Variants in SLC6A13 observed in about 807,000 individuals in gnomAD.
The protein encoded by SLC6A13 is solute carrier family 6 member 13, also known as sodium- and chloride-dependent GABA transporter 2.
Under a neutral mutation model 72.9 loss-of-function variants are expected in SLC6A13, and 69 were observed. That is an observed-to-expected ratio of 0.95 (90% CI 0.78 to 1.16). The LOEUF is 1.16. Ranked by LOEUF, SLC6A13 falls within the 50% of genes most tolerant of loss-of-function variation. SLC6A13 has a pLI of 0.00. For synonymous variants in SLC6A13, 303 were observed against 303.0 expected, an observed-to-expected ratio of 1.00 and a Z score of 0.00; for missense variants, 735 against 760.5, an observed-to-expected ratio of 0.97 and a Z score of 0.39.
intron 2 of SLC6A13, among the ~76,000 whole-genome samples, chr12:251,148 T>A (rs1285340626): frequency 6.9e-6 from 1 of 145,610 alleles, no homozygotes; most frequent in Non-Finnish European, 1.5e-5. Context: ...AGAGCAAGAC[T>A]CTGTCTCAAA....
At chr12:224,323 C>A in intron 10 of SLC6A13, 78 bp downstream of exon 10, 1 of 1,373,578 alleles carries the variant, frequency 7.3e-7, no homozygotes, top group Non-Finnish European at 1.0e-6. Flanking sequence ...CCACTTCTGA[C>A]ATTCACCCAT....
rs80140420 is a variant in SLC6A13 at position 251,165 on chromosome 12, C to A, written c.203-7352G>T. 3.5e-3 allele frequency among the ~76,000 whole-genome samples: 439 copies of A among 124,296 alleles called. 7 individuals are homozygous for A. The East Asian group carries it at 0.07, about 20-fold the overall frequency. 81.5% of individuals were successfully genotyped at this position (124,296 alleles called of 152,430 possible). On this transcript the variant is annotated intron_variant, in intron 2 of 14. Transcript: ENST00000343164. The stretch of plus-strand genomic sequence containing the variant: ...AGCAAGACTCTGTCTCAAAAAAAAA[C>A]AAAAAAAAAAAACCTTTGAAAAAGA...
At chr12:247,938 G>C (rs487252) in intron 2 of SLC6A13, among the ~76,000 whole-genome samples, 55,993 of 151,566 alleles carry the variant, frequency 0.37, 10,578 homozygotes, top group East Asian at 0.46. Flanking sequence ...AAAACAATCA[G>C]TAAAATAACA....
In SLC6A13 at chr12:237,266, A is replaced by C. The variant is rs149920040; in HGVS notation, c.588T>G (p.Asp196Glu). The change falls in exon 6 of 15, where the codon GAT becomes GAG. Residue 196 changes from aspartate to glutamate, a missense_variant. Physicochemically the swap from Asp to Glu is conservative, Grantham distance 45. Transcript: ENST00000343164. The part of the protein sequence containing the change: ...FWERRVLKIS[D>E]GIQHLGALRW... ...GCAGGGCCCCCAGGTGCTGGATCCC[A>C]TCAGAGATCTTCAAGACCCGCCGCC... 2 of 1,614,180 alleles carry C rather than the reference A, an allele frequency of 1.2e-6. No homozygotes were observed. The highest frequency in any genetic ancestry group is 2.7e-5 in the African/African-American group (2 of 75,042).
In SLC6A13 at chr12:220,918, G is replaced by A; in HGVS notation, c.*30C>T. The A allele has an allele frequency of 6.2e-7, 1 of 1,609,238 alleles. No individual in the cohort carries two copies. The highest frequency in any genetic ancestry group is 1.1e-5 in the South Asian group (1 of 90,876). On this transcript the variant is annotated 3_prime_UTR_variant, in exon 15 of 15. Coordinates refer to ENST00000343164, the MANE Select transcript of SLC6A13 (RefSeq NM_016615.5). ...CCTCCACAGCCATCCCCAAGGCCAG[G>A]CACACAGGCACCATCCAAGGGCCTG...
chr12:237,384 G>A (rs1941973623), intron 5 of SLC6A13, 94 bp from the exon 6 acceptor site: 2 of 1,413,830 alleles, frequency 1.4e-6, no homozygotes, highest in South Asian at 1.3e-5. Context: ...CTGCCTCCAG[G>A]CTCTTGTCCA....
rs777651994 is a variant in SLC6A13, at chr12:221,035, C to A, written c.1722G>T (p.Leu574=). 22 of 1,611,210 alleles carry A rather than the reference C, an allele frequency of 1.4e-5. No individual in the cohort carries two copies. Among genetic ancestry groups the A allele is most frequent in the Admixed American group, 1.7e-5 (1 of 59,834 alleles). The change falls in exon 15 of 15, where the codon CTG becomes CTT. Residue 574 remains leucine (L), a synonymous_variant. Transcript: ENST00000343164. The part of the protein sequence containing the change: ...IRQLMCPAED[L]PQRNPAGPSA... ...AGGGTCCTGCTGGGTTCCGCTGGGGCAGGTCCTCGGCTGGGCACATGAGCT... is the reference window on the plus strand; with the variant it reads ...AGGGTCCTGCTGGGTTCCGCTGGGGAAGGTCCTCGGCTGGGCACATGAGCT...
At chr12:234,156 CA>C (rs1178065502) in intron 7 of SLC6A13, among the ~76,000 whole-genome samples, 1 of 152,194 alleles carries the variant, frequency 6.6e-6, no homozygotes, top group East Asian at 1.9e-4. Flanking sequence ...GCCCAGGAGG[CA>C]GAGGCAGGGC....
At chr12:228,003 G>A (rs1407275697) in intron 7 of SLC6A13, among the ~76,000 whole-genome samples, 2 of 152,120 alleles carry the variant, frequency 1.3e-5, no homozygotes, top group African/African-American at 4.8e-5. Flanking sequence ...TTGATCCTAG[G>A]TTCTGCCCCC....
chr12:227,450 G>T (rs1941507802), intron 8 of SLC6A13, 115 bp downstream of exon 8: 2 of 1,533,496 alleles, frequency 1.3e-6, no homozygotes, highest in Admixed American at 4.0e-5. Context: ...TGGGGGTGTA[G>T]ACAGGGGGGC....
chr12:243,534 T>G (rs943925543), intron 3 of SLC6A13, 145 bp downstream of exon 3: 9 of 745,784 alleles, frequency 1.2e-5, no homozygotes, highest in Non-Finnish European at 1.5e-5. Flanking sequence ...ACTAGCTCAG[T>G]ATGCAGCCCA....
Position 234,955 on chromosome 12 carries a change from A to G in SLC6A13, c.831+135T>C, listed in dbSNP as rs368958780. 3 of 928,438 alleles carry G rather than the reference A, an allele frequency of 3.2e-6. No homozygotes were observed. The Admixed American group carries it at 6.5e-5, about 20-fold the overall frequency. 57.5% of individuals were successfully genotyped at this position (928,438 alleles called of 1,614,324 possible). A position where few individuals can be genotyped will look rare whatever the true frequency, so the allele number is the denominator to read the frequency against. On this transcript the variant is annotated intron_variant, in intron 7 of 14. Transcript: ENST00000343164. Reference sequence around the variant, plus strand: ...CAACAAACAGATGTCTAGAGAAGGAAGGGTGCACCTCTGCTGCCACTGTGG... The same window carrying G: ...CAACAAACAGATGTCTAGAGAAGGAGGGGTGCACCTCTGCTGCCACTGTGG...
At position 220,837 on chromosome 12, in the gene SLC6A13, C is replaced by G. The variant is rs572417335; in HGVS notation, c.*111G>C. 3 of 1,383,314 alleles carry G rather than the reference C, an allele frequency of 2.2e-6. No homozygotes were observed. Among genetic ancestry groups the G allele is most frequent in the South Asian group, 2.6e-5 (2 of 77,708 alleles). The allele number at this position is 1,383,314 out of a possible 1,614,324, so 85.7% of individuals were successfully genotyped here. On this transcript the variant is annotated 3_prime_UTR_variant, in exon 15 of 15. Transcript: ENST00000343164. The stretch of plus-strand genomic sequence containing the variant: ...GTGGACTCCAAAATACCCCTCTTGT[C>G]TTATCCACTCCAGGTCGGGGGCAGG...
In SLC6A13 at chr12:221,062, A is replaced by G. The variant is rs1941184041; in HGVS notation, c.1695T>C (p.Arg565=). Residue 565 remains arginine, a synonymous_variant, in exon 15 of 15, where the codon CGT becomes CGC. Transcript: ENST00000343164. ...TLKGPFRERI[R]QLMCPAEDLP... ...GGTCCTCGGCTGGGCACATGAGCTG[A>G]CGGATTCTCTGCGGGGATAGCAGAG... 1 of 1,604,960 alleles carries G rather than the reference A, an allele frequency of 6.2e-7. No individual in the cohort carries two copies. The highest frequency in any genetic ancestry group is 1.3e-5 in the African/African-American group (1 of 74,868).
intron 5 of SLC6A13, among the ~76,000 whole-genome samples, 172 bp downstream of exon 5, chr12:237,754 T>C (rs1327377735): frequency 1.3e-5 from 2 of 152,140 alleles, no homozygotes; most frequent in Non-Finnish European, 2.9e-5. Flanking sequence ...TGCAGAAGTC[T>C]CATCTCTGAA....
chr12:241,558 C>T lies in SLC6A13; in HGVS notation c.478+1056G>A, dbSNP rs139206759. Among the ~76,000 whole-genome samples the T allele has an allele frequency of 4.2e-3, 645 of 152,348 alleles. 5 individuals are homozygous for T. Among genetic ancestry groups the T allele is most frequent in the South Asian group, 0.012 (60 of 4,828 alleles). On this transcript the variant is annotated intron_variant, in intron 4 of 14. Coordinates refer to ENST00000343164, the MANE Select transcript of SLC6A13 (RefSeq NM_016615.5). Reference sequence around the variant, plus strand: ...GTTCTGTTCCTCAGACCACTTGCCACATTTCAGGTGCTCAATAACCACACA... The same window carrying T: ...GTTCTGTTCCTCAGACCACTTGCCATATTTCAGGTGCTCAATAACCACACA...
Position 250,715 on chromosome 12 carries a change from C to T in SLC6A13, c.203-6902G>A, listed in dbSNP as rs1448249833. ...ATATCATTAAAATGTCAATTCTTTCCAAATTGATCTATAGATTTAATACAA... is the reference window on the plus strand; with the variant it reads ...ATATCATTAAAATGTCAATTCTTTCTAAATTGATCTATAGATTTAATACAA... On this transcript the variant is annotated intron_variant, in intron 2 of 14. Transcript: ENST00000343164. 4.8e-5 allele frequency among the ~76,000 whole-genome samples: 7 copies of T among 146,426 alleles called. 1 individual carries two copies. Among genetic ancestry groups the T allele is most frequent in the African/African-American group, 1.8e-4 (7 of 39,846 alleles).
In SLC6A13 at chr12:259,857, C is replaced by T. The variant is rs769567476; in HGVS notation, c.196G>A (p.Gly66Arg). The T allele has an allele frequency of 1.5e-5, 24 of 1,614,226 alleles. No individual in the cohort carries two copies. The East Asian group carries it at 5.3e-4, about 36-fold the overall frequency. Residue 66 changes from glycine (G) to arginine (R), a missense_variant, in exon 2 of 15, where the codon GGG (glycine) becomes AGG (arginine). Transcript: ENST00000343164. Reference protein sequence around the residue: ...WRFPYLCYKNGGGAFFIPYLV... With the variant: ...WRFPYLCYKNRGGAFFIPYLV... ...ACAAGGGCTCTCATCTCACCTCCCC[C>T]ATTTTTGTAGCAGAGATAGGGAAAC...
intron 7 of SLC6A13, among the ~76,000 whole-genome samples, chr12:230,786 C>T (rs1046956830): frequency 1.3e-5 from 2 of 152,132 alleles, no homozygotes; most frequent in Admixed American, 1.3e-4. Context: ...GAGGCTGACC[C>T]CAAACTCACA....
Sources: gnomAD v4.1 joint callset for allele counts (sites outside exome capture counted in the v4.1 genomes callset) on GRCh38, gnomAD v4.1.1 for gene constraint, MANE v1.5 for transcripts, NCBI Gene and HGNC (gene_info 2026-07-23, HGNC 2026-07-21) for gene names.